The following EYA1 variants were observed in gnomAD, a reference collection of about 807,000 sequenced individuals.
EYA1 encodes EYA transcriptional coactivator and phosphatase 1, also known as protein phosphatase EYA1.
In EYA1, 16 loss-of-function variants were observed where a neutral mutation model predicts 82.0. That is an observed-to-expected ratio of 0.20 (90% CI 0.13 to 0.30). The LOEUF (loss-of-function observed/expected upper bound fraction) is 0.30, where lower values mean the gene tolerates loss of function less well. EYA1 is among the 10% of genes least tolerant of loss of function. The pLI is 1.00. For missense variants in EYA1, 633 were observed against 730.7 expected (o/e 0.87, Z 1.54); for synonymous variants, 261 against 264.4 (o/e 0.99, Z 0.12).
At chr8:71,203,062 G>A (rs533927056) in intron 17 of EYA1, among the ~76,000 whole-genome samples, 170 of 152,176 alleles carry the variant, frequency 1.1e-3, no homozygotes, top group African/African-American at 3.9e-3. Flanking sequence ...GTATGAAATC[G>A]GAGAGAAATG....
chr8:71,229,263 C>T lies in EYA1; in HGVS notation c.1141-12240G>A, dbSNP rs183319776. Among the ~76,000 whole-genome samples, 8 of 152,146 alleles carry T rather than the reference C, an allele frequency of 5.3e-5. No homozygotes were observed. In the East Asian group the frequency reaches 1.6e-3, roughly 30 times the overall value. On this transcript the variant is annotated intron_variant, in intron 12 of 17. Coordinates refer to ENST00000340726, the MANE Select transcript of EYA1 (RefSeq NM_000503.6). ...CCATTAAGTTTTTATTGGTTTCTTT[C>T]CCTTCTCCATCCCTGACATACTCTC...
intron 17 of EYA1, among the ~76,000 whole-genome samples, chr8:71,209,317 T>C (rs1808219687): frequency 6.6e-6 from 1 of 152,116 alleles, no homozygotes; most frequent in South Asian, 2.1e-4. Context: ...CCCAGAGAGG[T>C]AACAGAGGCA....
Position 71,225,123 on chromosome 8 carries a change from C to T in EYA1, c.1141-8100G>A, listed in dbSNP as rs117820563. The stretch of plus-strand genomic sequence containing the variant: ...TTTTCTCTGTAAAGAGGAGACTGCC[C>T]AACTGATGTACTGTGTATTTATACT... On this transcript the variant is annotated intron_variant, in intron 12 of 17. Transcript: ENST00000340726. 907 of 355,216 alleles carry T rather than the reference C, an allele frequency of 2.6e-3. 2 individuals carry two copies. The highest frequency in any genetic ancestry group is 3.8e-3 in the Non-Finnish European group (655 of 173,300). 22.0% of individuals were successfully genotyped at this position (355,216 alleles called of 1,614,324 possible). A position where few individuals can be genotyped will look rare whatever the true frequency, so the allele number is the denominator to read the frequency against.
At chr8:71,238,585 G>T (rs1365673480) in intron 12 of EYA1, among the ~76,000 whole-genome samples, 1 of 151,670 alleles carries the variant, frequency 6.6e-6, no homozygotes, top group East Asian at 1.9e-4. Flanking sequence ...GATATTTTTT[G>T]TTTTTGTGTT....
chr8:71,474,411 T>G (rs1363036969), intron 2 of EYA1, among the ~76,000 whole-genome samples: 1 of 152,078 alleles, frequency 6.6e-6, no homozygotes, highest in African/African-American at 2.4e-5. Context: ...CTATACATTT[T>G]AAGCCACTCT....
At chr8:71,211,326 TTA>T in intron 16 of EYA1, 70 bp from the exon 17 acceptor site, 1 of 971,414 alleles carries the variant, frequency 1.0e-6, no homozygotes, top group Non-Finnish European at 1.7e-6. Flanking sequence ...CTTGAACTTT[TTA>T]TATAAAATGC....
intron 17 of EYA1, among the ~76,000 whole-genome samples, chr8:71,206,196 A>G (rs997091518): frequency 6.6e-6 from 1 of 151,806 alleles, no homozygotes; most frequent in African/African-American, 2.4e-5. Context: ...TATTTAAGAT[A>G]TATAAATGTA....
intron 12 of EYA1, among the ~76,000 whole-genome samples, chr8:71,242,141 G>C (rs1232905945): frequency 1.3e-5 from 2 of 152,104 alleles, no homozygotes; most frequent in Non-Finnish European, 2.9e-5. Flanking sequence ...GGGAGGCAGA[G>C]GGTGCAGTGA....
chr8:71,205,419 T>TA (rs113904887), intron 17 of EYA1, among the ~76,000 whole-genome samples: 12,150 of 151,904 alleles, frequency 0.08, 1,613 homozygotes, highest in African/African-American at 0.28. Context: ...AATTTTATGG[T>TA]AAAAAAAGAA....
rs555414724 is a variant in EYA1, at chr8:71,282,282, T to C, written c.827-10385A>G. On this transcript the variant is annotated intron_variant, in intron 9 of 17. Transcript: ENST00000340726. ...CAGGTGCACACAAGCTAGATAGATT[T>C]CTTGCCTAAAAAGCATCTTCCACTT... Among the ~76,000 whole-genome samples, 3 of 152,324 alleles carry C rather than the reference T, an allele frequency of 2.0e-5. No individual in the cohort carries two copies. In the South Asian group the frequency reaches 6.2e-4, roughly 32 times the overall value.
At chr8:71,280,368 T>C (rs1817677360) in intron 9 of EYA1, among the ~76,000 whole-genome samples, 1 of 152,206 alleles carries the variant, frequency 6.6e-6, no homozygotes. Context: ...CCTTTTACAA[T>C]GAACACTTAG....
chr8:71,448,110 G>A (rs750177568), intron 2 of EYA1, among the ~76,000 whole-genome samples: 1 of 146,046 alleles, frequency 6.8e-6, no homozygotes, highest in South Asian at 2.2e-4. Context: ...ACTATTCTCC[G>A]CCTCAGCCTC....
intron 2 of EYA1, among the ~76,000 whole-genome samples, chr8:71,524,562 C>A (rs1378532709): frequency 6.6e-6 from 1 of 152,068 alleles, no homozygotes; most frequent in Non-Finnish European, 1.5e-5. Flanking sequence ...ATACAACAGC[C>A]TCATTAAAGA....
intron 3 of EYA1, among the ~76,000 whole-genome samples, chr8:71,342,650 TA>T (rs1825271097): frequency 6.6e-6 from 1 of 152,156 alleles, no homozygotes; most frequent in African/African-American, 2.4e-5. Context: ...ATGTGTATTT[TA>T]ATAAACATAA....
intron 12 of EYA1, among the ~76,000 whole-genome samples, chr8:71,223,165 A>C (rs1810141443): frequency 6.6e-6 from 1 of 152,150 alleles, no homozygotes; most frequent in African/African-American, 2.4e-5. Flanking sequence ...AGCATATCAC[A>C]CTGCCACAGC....
chr8:71,215,372 A>T lies in EYA1; in HGVS notation c.1597+15T>A, dbSNP rs1809053983. ...AAAAGAGCTGATTGTTAAAAAGAAAAGAAAAGCAGCTCACCTATTTTAGTT... is the reference window on the plus strand; with the variant it reads ...AAAAGAGCTGATTGTTAAAAAGAAATGAAAAGCAGCTCACCTATTTTAGTT... On this transcript the variant is annotated intron_variant, in intron 16 of 17. Transcript: ENST00000340726. The T allele has an allele frequency of 1.9e-6, 3 of 1,610,890 alleles. No individual in the cohort carries two copies. The highest frequency in any genetic ancestry group is 8.5e-7 in the Non-Finnish European group (1 of 1,177,832).
At chr8:71,454,382 G>T (rs776731347) in intron 2 of EYA1, among the ~76,000 whole-genome samples, 1 of 152,102 alleles carries the variant, frequency 6.6e-6, no homozygotes, top group South Asian at 2.1e-4. Context: ...TGTTAACAAG[G>T]ATATCCAGGA....
At position 71,334,103 on chromosome 8, in the gene EYA1, C is replaced by A. The variant is rs886063089; in HGVS notation, c.196G>T (p.Gly66Cys). ...TADGSLNNFS[G>C]SAIGSSSFSP... Reference sequence around the variant, plus strand: ...TCTAATATTTATTCCTTACCTGAACCTGAGAAATTGTTTAAAGACCCGTCG... The same window carrying A: ...TCTAATATTTATTCCTTACCTGAACATGAGAAATTGTTTAAAGACCCGTCG... The change falls in exon 4 of 18, where the codon GGT (glycine) becomes TGT (cysteine). Residue 66 changes from glycine (G) to cysteine (C), a missense_variant. Coordinates refer to ENST00000340726, the MANE Select transcript of EYA1 (RefSeq NM_000503.6). The A allele has an allele frequency of 1.8e-5, 29 of 1,612,252 alleles. 1 individual carries two copies. The highest frequency in any genetic ancestry group is 2.4e-5 in the Non-Finnish European group (28 of 1,178,620).
At chr8:71,247,940 G>A (rs2128910512) in intron 11 of EYA1, among the ~76,000 whole-genome samples, 1 of 152,250 alleles carries the variant, frequency 6.6e-6, no homozygotes, top group Non-Finnish European at 1.5e-5. Context: ...TAAAATTTAT[G>A]TGCCATAGTA....
Sources: allele counts gnomAD v4.1 joint callset (sites outside exome capture counted in the v4.1 genomes callset), GRCh38; gene constraint gnomAD v4.1.1; transcripts MANE v1.5; gene names NCBI Gene and HGNC (gene_info 2026-07-23, HGNC 2026-07-21).